HDAC9: variants seen among roughly 807,000 people sequenced by gnomAD.
HDAC9 encodes the protein histone deacetylase 9, also known as MEF-2 interacting transcription repressor (MITR) protein.
Under a neutral mutation model 139.4 loss-of-function variants are expected in HDAC9, and 41 were observed. The observed-to-expected ratio is 0.29, with a 90% CI of 0.23 to 0.38. The LOEUF (loss-of-function observed/expected upper bound fraction) is 0.38. Ranked by LOEUF, HDAC9 falls within the 10% of genes least tolerant of loss-of-function variation. The probability of loss-of-function intolerance (pLI) is 1.00; values close to 1 mark genes in which losing one functional copy is unlikely to be tolerated. For missense variants in HDAC9, 1,147 were observed against 1,297.0 expected (o/e 0.88, Z 1.78); for synonymous variants, 517 against 476.2 (o/e 1.09, Z -1.12).
At chr7:18,351,420 A>C (rs976415993) in intron 1 of HDAC9, among the ~76,000 whole-genome samples, 2 of 152,120 alleles carry the variant, frequency 1.3e-5, no homozygotes, top group Admixed American at 6.5e-5. Context: ...TAAGTTTCCT[A>C]TGTGTTATGA....
intron 22 of HDAC9, among the ~76,000 whole-genome samples, chr7:18,879,962 C>T (rs2129253696): frequency 6.6e-6 from 1 of 152,020 alleles, no homozygotes; most frequent in African/African-American, 2.4e-5. Context: ...AACAAATTTA[C>T]AAGAGAAAAA....
At chr7:18,583,310 A>G (rs1392661037) in intron 2 of HDAC9, among the ~76,000 whole-genome samples, 1 of 152,214 alleles carries the variant, frequency 6.6e-6, no homozygotes. Context: ...GGAAATTAAT[A>G]ACATCTTCAA....
intron 1 of HDAC9, among the ~76,000 whole-genome samples, chr7:18,447,146 T>C (rs186210633): frequency 7.2e-5 from 11 of 152,274 alleles, no homozygotes; most frequent in South Asian, 4.1e-4. Context: ...TGTGGTATCA[T>C]TGACCTTTTA....
At chr7:18,279,909 T>C (rs1796994593) in intron 2 of HDAC9, among the ~76,000 whole-genome samples, 1 of 152,230 alleles carries the variant, frequency 6.6e-6, no homozygotes, top group African/African-American at 2.4e-5. Flanking sequence ...CATTTATCTC[T>C]TCTGGCTAGT....
At chr7:18,819,828 T>C (rs1794831984) in intron 17 of HDAC9, among the ~76,000 whole-genome samples, 1 of 152,222 alleles carries the variant, frequency 6.6e-6, no homozygotes, top group Admixed American at 6.5e-5. Flanking sequence ...ATCAGTTTAT[T>C]AAAATAAAAT....
At chr7:18,990,438 C>G (rs183873572) in intron 25 of HDAC9, among the ~76,000 whole-genome samples, 4 of 152,350 alleles carry the variant, frequency 2.6e-5, no homozygotes, top group Non-Finnish European at 5.9e-5. Flanking sequence ...GGGAGAGCCA[C>G]TGCTCTCTTC....
intron 2 of HDAC9, among the ~76,000 whole-genome samples, chr7:18,517,276 T>A (rs1476129720): frequency 6.6e-6 from 1 of 152,230 alleles, no homozygotes; most frequent in Non-Finnish European, 1.5e-5. Flanking sequence ...GCCACCTGAC[T>A]CTGTTCTTAC....
At chr7:18,542,244 G>T (rs1813226339) in intron 2 of HDAC9, among the ~76,000 whole-genome samples, 2 of 152,138 alleles carry the variant, frequency 1.3e-5, no homozygotes, top group Admixed American at 1.3e-4. Context: ...TCCTACAGAG[G>T]GGTTAGGAGC....
Position 18,145,367 on chromosome 7 carries a change from G to T in HDAC9, c.-96-16862G>T, listed in dbSNP as rs1177200140. On this transcript the variant is annotated intron_variant, in intron 1 of 12. Transcript: ENST00000417496. ...GGGTGATGTAATGGCATTGGGTGCAGTTATATGGTTTCAAGTTGACTGAGC... is the reference window on the plus strand; with the variant it reads ...GGGTGATGTAATGGCATTGGGTGCATTTATATGGTTTCAAGTTGACTGAGC... Among the ~76,000 whole-genome samples the T allele has an allele frequency of 3.3e-5, 5 of 152,318 alleles. No homozygotes were observed. In the East Asian group the frequency reaches 9.6e-4, roughly 29 times the overall value.
chr7:18,670,345 C>T (rs544892711), intron 12 of HDAC9, among the ~76,000 whole-genome samples: 20 of 152,130 alleles, frequency 1.3e-4, no homozygotes, highest in African/African-American at 4.8e-4. Flanking sequence ...ACTTTTCAGT[C>T]ATGCCAACAA....
rs551172666 is a variant in HDAC9 at position 18,881,748 on chromosome 7, A to T, written c.2803+7152A>T. 5.3e-5 allele frequency among the ~76,000 whole-genome samples: 8 copies of T among 152,266 alleles called. No individual in the cohort carries two copies. In the South Asian group the frequency reaches 1.7e-3, roughly 32 times the overall value. On this transcript the variant is annotated intron_variant, in intron 22 of 25. Transcript: ENST00000686413. Reference sequence around the variant, plus strand: ...TTGTAATATTTCTGTAACTATTCAGAACGTAGTAGCTCTGTTTAGCAGTTG... The same window carrying T: ...TTGTAATATTTCTGTAACTATTCAGTACGTAGTAGCTCTGTTTAGCAGTTG...
At chr7:18,757,623 G>A (rs1192783971) in intron 14 of HDAC9, among the ~76,000 whole-genome samples, 1 of 152,156 alleles carries the variant, frequency 6.6e-6, no homozygotes, top group South Asian at 2.1e-4. Flanking sequence ...AATGAGAACT[G>A]ATTAGGACAC....
intron 1 of HDAC9, among the ~76,000 whole-genome samples, chr7:18,330,924 G>A (rs1800873160): frequency 1.3e-5 from 2 of 151,798 alleles, no homozygotes; most frequent in East Asian, 1.9e-4. Context: ...CTAACACAAG[G>A]CAAATAACCC....
At chr7:18,809,171 C>T (rs923210566) in intron 17 of HDAC9, among the ~76,000 whole-genome samples, 2 of 152,008 alleles carry the variant, frequency 1.3e-5, no homozygotes, top group East Asian at 3.9e-4. Context: ...TCACTTAATA[C>T]TATAGACCAA....
chr7:18,985,638 T>A (rs1300314666), intron 25 of HDAC9, among the ~76,000 whole-genome samples: 10 of 146,928 alleles, frequency 6.8e-5, no homozygotes, highest in African/African-American at 2.6e-4. Context: ...CCCTGAGGAA[T>A]CGCCACACTG....
chr7:18,544,592 A>G (rs1161559878), intron 2 of HDAC9, among the ~76,000 whole-genome samples: 1 of 152,166 alleles, frequency 6.6e-6, no homozygotes, highest in Non-Finnish European at 1.5e-5. Context: ...ACAAGTTCTG[A>G]GGTCTGAACT....
intron 6 of HDAC9, among the ~76,000 whole-genome samples, chr7:18,595,219 A>C (rs801519): frequency 0.61 from 93,377 of 151,910 alleles, 28,954 homozygotes; most frequent in East Asian, 0.79. Flanking sequence ...AAATAGCCCA[A>C]ATATTTTTGC....
At chr7:18,889,656 A>G (rs1157817497) in intron 22 of HDAC9, among the ~76,000 whole-genome samples, 2 of 152,170 alleles carry the variant, frequency 1.3e-5, no homozygotes, top group Non-Finnish European at 2.9e-5. Flanking sequence ...GCTCCACAGT[A>G]TATACACCTT....
intron 2 of HDAC9, among the ~76,000 whole-genome samples, chr7:18,499,255 G>A (rs1797743271): frequency 6.6e-6 from 1 of 151,974 alleles, no homozygotes; most frequent in East Asian, 1.9e-4. Context: ...GTTCCCATTT[G>A]TTGTTCTAGT....
Sources: allele counts gnomAD v4.1 joint callset (sites outside exome capture counted in the v4.1 genomes callset), GRCh38; gene constraint gnomAD v4.1.1; transcripts MANE v1.5; gene names NCBI Gene and HGNC (gene_info 2026-07-23, HGNC 2026-07-21).